POC1B: variants seen among roughly 807,000 people sequenced by gnomAD.
The protein encoded by POC1B is POC1 centriolar protein B.
A neutral mutation model predicts 60.6 loss-of-function variants in POC1B; 44 were observed. The observed-to-expected ratio is 0.73, with a 90% CI of 0.57 to 0.93. POC1B has a LOEUF of 0.93. Ranked by LOEUF, POC1B falls within the 40% of genes least tolerant of loss-of-function variation. The pLI, the probability that POC1B is intolerant of heterozygous loss-of-function variation, is 0.00. For missense variants in POC1B, 555 were observed against 572.3 expected, an observed-to-expected ratio of 0.97 and a Z score of 0.31; for synonymous variants, 180 against 198.9, an observed-to-expected ratio of 0.90 and a Z score of 0.80.
chr12:89,471,781 T>A, intron 5 of POC1B, 52 bp from the exon 6 acceptor site: 1 of 1,223,738 alleles, frequency 8.2e-7, no homozygotes, highest in Non-Finnish European at 1.2e-6. Flanking sequence ...TTTTTTTTTT[T>A]TTTGAGACGG....
chr12:89,513,233 G>A (rs11105308), intron 2 of POC1B, among the ~76,000 whole-genome samples: 76,400 of 145,012 alleles, frequency 0.53, 20,307 homozygotes, highest in African/African-American at 0.61. Flanking sequence ...TACCACATAG[G>A]CTGCCATCAA....
intron 2 of POC1B, among the ~76,000 whole-genome samples, chr12:89,512,563 A>G (rs991200896): frequency 6.6e-6 from 1 of 152,198 alleles, no homozygotes; most frequent in African/African-American, 2.4e-5. Context: ...GTTCAAGACC[A>G]GCCTCAGCAA....
At position 89,421,267 on chromosome 12, in the gene POC1B, G is replaced by A; in HGVS notation, c.1333-10C>T. 1 of 1,577,294 alleles carries A rather than the reference G, an allele frequency of 6.3e-7. No individual in the cohort carries two copies. On this transcript the variant is annotated splice_polypyrimidine_tract_variant and intron_variant, in intron 11 of 11. Transcript: ENST00000313546. ...CCAAGATTGAAACAGTCTGCAAAAAGGAGGATAAAATAATCAATGCCTGGT... is the reference window on the plus strand; with the variant it reads ...CCAAGATTGAAACAGTCTGCAAAAAAGAGGATAAAATAATCAATGCCTGGT...
intron 4 of POC1B, among the ~76,000 whole-genome samples, chr12:89,483,806 A>G (rs1387282790): frequency 6.6e-6 from 1 of 152,240 alleles, no homozygotes; most frequent in Non-Finnish European, 1.5e-5. Flanking sequence ...ACTACAAGAA[A>G]TGGTAAGTGC....
At chr12:89,489,676 G>A (rs1868845432) in intron 4 of POC1B, among the ~76,000 whole-genome samples, 1 of 152,122 alleles carries the variant, frequency 6.6e-6, no homozygotes, top group Admixed American at 6.5e-5. Context: ...ATCCTGGCTG[G>A]GGACACCTGG....
chr12:89,402,502 T>A, the POC1B span, among the ~76,000 whole-genome samples: 1 of 152,140 alleles, frequency 6.6e-6, no homozygotes, highest in Non-Finnish European at 1.5e-5. Context: ...AGTTATCTTT[T>A]CTGCTCCTCT....
rs777271118 is a variant in POC1B, at chr12:89,497,160, G to A, written c.272+11C>T. Reference sequence around the variant, plus strand: ...TCCAAAGGATATCAAGTGTTTCTTTGTTTCTCTTACTTATCAGGAATCCAG... The same window carrying A: ...TCCAAAGGATATCAAGTGTTTCTTTATTTCTCTTACTTATCAGGAATCCAG... On this transcript the variant is annotated intron_variant, in intron 3 of 11. Coordinates refer to ENST00000313546, the MANE Select transcript of POC1B (RefSeq NM_172240.3). The A allele has an allele frequency of 6.2e-7, 1 of 1,609,192 alleles. No individual in the cohort carries two copies. The highest frequency in any genetic ancestry group is 8.5e-7 in the Non-Finnish European group (1 of 1,177,738).
chr12:89,504,170 G>A (rs1029869378), intron 2 of POC1B, among the ~76,000 whole-genome samples: 1 of 152,270 alleles, frequency 6.6e-6, no homozygotes, highest in African/African-American at 2.4e-5. Context: ...AGAAAAGGGG[G>A]AAATGTGGGG....
intron 11 of POC1B, among the ~76,000 whole-genome samples, 191 bp downstream of exon 11, chr12:89,424,970 C>T (rs879113098): frequency 2.6e-5 from 4 of 152,040 alleles, no homozygotes; most frequent in East Asian, 3.9e-4. Flanking sequence ...TGTGTGTGCA[C>T]GTGTGCACAC....
In POC1B at chr12:89,477,089, C is replaced by T. The variant is rs547127602; in HGVS notation, c.453-4814G>A. ...CTCACAACCGTAATGGCCACCATTT[C>T]CTATTTGTATAATGAAGGAGTCTGG... On this transcript the variant is annotated intron_variant, in intron 4 of 11. Transcript: ENST00000313546. Among the ~76,000 whole-genome samples the T allele has an allele frequency of 7.9e-5, 12 of 152,256 alleles. No homozygotes were observed. In the South Asian group the frequency reaches 2.5e-3, roughly 32 times the overall value.
intron 1 of POC1B, 193 bp downstream of exon 1, chr12:89,525,688 G>T: frequency 8.0e-7 from 1 of 1,251,126 alleles, no homozygotes; most frequent in Non-Finnish European, 1.0e-6. Flanking sequence ...CGGGAGCCGG[G>T]TCTGGGTTCC....
At chr12:89,407,666 G>T in the POC1B span, among the ~76,000 whole-genome samples, 1 of 152,212 alleles carries the variant, frequency 6.6e-6, no homozygotes, top group Non-Finnish European at 1.5e-5. Flanking sequence ...GAGCCAACTT[G>T]ATCAACACTG....
rs142456398 is a variant in POC1B at position 89,425,374 on chromosome 12, T to C, written c.1119A>G (p.Thr373=). The change falls in exon 11 of 12, where the codon ACA becomes ACG. Residue 373 remains threonine (T), a synonymous_variant. Coordinates refer to ENST00000313546, the MANE Select transcript of POC1B (RefSeq NM_172240.3). ...DILSFDSTTT[T]ETSGRTLPDK... Reference sequence around the variant, plus strand: ...CTGGCAGAGTCCTACCACTGGTTTCTGTTGTCTTTAATGTCACAGAAAATG... The same window carrying C: ...CTGGCAGAGTCCTACCACTGGTTTCCGTTGTCTTTAATGTCACAGAAAATG... 139 of 1,612,358 alleles carry C rather than the reference T, an allele frequency of 8.6e-5. No homozygotes were observed. In the Middle Eastern group the frequency reaches 1.3e-3, roughly 15 times the overall value.
At chr12:89,424,003 A>G (rs1490633429) in intron 11 of POC1B, among the ~76,000 whole-genome samples, 1 of 152,212 alleles carries the variant, frequency 6.6e-6, no homozygotes, top group Non-Finnish European at 1.5e-5. Context: ...AATGGCCTTT[A>G]AGGAAAAGAG....
intron 2 of POC1B, chr12:89,524,570 C>T (rs1871247037): frequency 5.6e-6 from 9 of 1,609,286 alleles, no homozygotes; most frequent in Non-Finnish European, 6.8e-6. Context: ...AGGGCTGAGG[C>T]GCAGACGCGG....
intron 5 of POC1B, 98 bp downstream of exon 5, chr12:89,472,070 A>G (rs1293863484): frequency 2.3e-6 from 2 of 885,256 alleles, no homozygotes; most frequent in Admixed American, 2.3e-5. Flanking sequence ...ACCCGGCCAT[A>G]TTTCAATTTC....
intron 4 of POC1B, among the ~76,000 whole-genome samples, chr12:89,477,142 A>C (rs1027833406): frequency 2.6e-5 from 4 of 152,112 alleles, no homozygotes; most frequent in Non-Finnish European, 5.9e-5. Context: ...ATTTTCACAG[A>C]CTCTAAAAAT....
chr12:89,409,723 C>A, the POC1B span, among the ~76,000 whole-genome samples: 2 of 152,048 alleles, frequency 1.3e-5, no homozygotes, highest in Admixed American at 1.3e-4. Context: ...GATAAATTCC[C>A]GGACACATAC....
chr12:89,505,414 G>A (rs1209944949), intron 2 of POC1B, among the ~76,000 whole-genome samples: 1 of 152,178 alleles, frequency 6.6e-6, no homozygotes, highest in Non-Finnish European at 1.5e-5. Flanking sequence ...AAAGCTAGAA[G>A]CCCAACTATC....
Sources: gnomAD v4.1 joint callset for allele counts (sites outside exome capture counted in the v4.1 genomes callset) on GRCh38, gnomAD v4.1.1 for gene constraint, MANE v1.5 for transcripts, NCBI Gene and HGNC (gene_info 2026-07-23, HGNC 2026-07-21) for gene names.